ST7: variants seen among roughly 807,000 people sequenced by gnomAD.
The protein encoded by ST7 is suppressor of tumorigenicity 7 protein.
A neutral mutation model predicts 78.7 loss-of-function variants in ST7; 28 were observed. The observed-to-expected ratio is 0.36, with a 90% CI of 0.26 to 0.49. The LOEUF (loss-of-function observed/expected upper bound fraction) is 0.49. Ranked by LOEUF, ST7 falls within the 20% of genes least tolerant of loss-of-function variation. The pLI, the probability that ST7 is intolerant of heterozygous loss-of-function variation, is 0.99. For synonymous variants in ST7, 247 were observed against 249.6 expected (o/e 0.99, Z 0.10); for missense variants, 418 against 696.0 (o/e 0.60, Z 4.49).
At chr7:116,965,978 T>A in intron 1 of ST7, 1 of 364,648 alleles carries the variant, frequency 2.7e-6, no homozygotes, top group Non-Finnish European at 5.6e-6. Context: ...GGCAAGAGAT[T>A]TTCCCCTATC....
rs1470048682 is a variant in ST7 at position 116,975,741 on chromosome 7, G to T, written c.151+22050G>T. 4.6e-5 allele frequency among the ~76,000 whole-genome samples: 7 copies of T among 151,562 alleles called. 1 individual carries two copies. The highest frequency in any genetic ancestry group is 8.8e-5 in the Non-Finnish European group (6 of 67,906). ...TTTTCTTTGAAATTTATATGGATTA[G>T]GTAGATTATCTATTATGTTTGTTAT... On this transcript the variant is annotated intron_variant, in intron 1 of 15. Coordinates refer to ENST00000323984, the MANE Select transcript of ST7 (RefSeq NM_001369598.1).
At chr7:117,223,859 A>G (rs1793276745) in intron 15 of ST7, 4 of 725,164 alleles carry the variant, frequency 5.5e-6, no homozygotes, top group Admixed American at 6.3e-5. Context: ...GGCTTTGCAC[A>G]GTGCCTTGCT....
rs773131295 is a variant in ST7, at chr7:117,193,448, ATAT to A, written c.1254+2519_1254+2521del. Among the ~76,000 whole-genome samples, 191 of 152,326 alleles carry A rather than the reference ATAT, an allele frequency of 1.3e-3. 2 individuals carry two copies. Among genetic ancestry groups the A allele is most frequent in the Non-Finnish European group, 2.3e-3 (154 of 68,026 alleles). On this transcript the variant is annotated intron_variant, in intron 12 of 15. Transcript: ENST00000323984. ...TCATAACAACTCTGTGAGGTGTATT[ATAT>A]TATTATCCCTATTACATAGATGAGG...
intron 1 of ST7, among the ~76,000 whole-genome samples, chr7:116,958,090 A>G (rs1339841825): frequency 1.3e-5 from 2 of 151,828 alleles, no homozygotes; most frequent in Non-Finnish European, 2.9e-5. Flanking sequence ...GGCTCAAGCA[A>G]TCCTCCTGTC....
intron 1 of ST7, among the ~76,000 whole-genome samples, chr7:116,993,680 C>A (rs75583314): frequency 0.011 from 1,742 of 152,320 alleles, 16 homozygotes; most frequent in Non-Finnish European, 0.019. Context: ...AATCTAAAGA[C>A]TATTTCTGAG....
chr7:116,968,282 TCCCTCCCTCCC>T (rs1793234835), intron 1 of ST7: 1 of 6,818 alleles, frequency 1.5e-4, no homozygotes, highest in African/African-American at 3.2e-4. Context: ...CCTCCCTCCC[TCCCTCCCTCCC>T]TCCTTCCTTC....
chr7:117,158,788 T>C (rs1563129805), intron 9 of ST7, among the ~76,000 whole-genome samples: 1 of 152,226 alleles, frequency 6.6e-6, no homozygotes, highest in Non-Finnish European at 1.5e-5. Context: ...CAGTAAAAAT[T>C]ACTGGCAAAA....
At chr7:117,007,621 A>AGTGT (rs1795209082) in intron 1 of ST7, among the ~76,000 whole-genome samples, 1 of 152,238 alleles carries the variant, frequency 6.6e-6, no homozygotes, top group Non-Finnish European at 1.5e-5. Context: ...AGGTGAAAAC[A>AGTGT]GTGTTATATT....
chr7:116,996,343 C>T (rs147388953), intron 1 of ST7, among the ~76,000 whole-genome samples: 162 of 152,278 alleles, frequency 1.1e-3, no homozygotes, highest in South Asian at 8.7e-3. Context: ...TCCCAAAGTG[C>T]TGGGATTACA....
chr7:117,155,657 T>G (rs913979633), intron 9 of ST7, among the ~76,000 whole-genome samples: 3 of 152,214 alleles, frequency 2.0e-5, no homozygotes, highest in Non-Finnish European at 4.4e-5. Flanking sequence ...ACTAACAGCC[T>G]TCCCTTTTAA....
chr7:116,992,074 C>A (rs1330209489), intron 1 of ST7, among the ~76,000 whole-genome samples: 1 of 152,204 alleles, frequency 6.6e-6, no homozygotes, highest in Non-Finnish European at 1.5e-5. Flanking sequence ...CAAGGTACTG[C>A]CTCTCTCCCA....
Position 117,119,633 on chromosome 7 carries a change from C to T in ST7, c.307C>T (p.Pro103Ser). ...ACAAGTCTCAGTAAGCCACTTGCGC[C>T]CCCTTCTGGGAGGGGTTGACAACAA... ...IEQVSVSHLRPLLGGVDNNSS... is the reference protein window; with the variant it reads ...IEQVSVSHLRSLLGGVDNNSS... The change falls in exon 3 of 16, where the codon CCC becomes TCC. Residue 103 changes from proline (P) to serine (S), a missense_variant. By Grantham distance (74) the Pro-to-Ser change is moderately conservative. Around this residue, in one of 4 missense-constraint regions of ST7, gnomAD observed 23 missense variants for 67.7 expected, o/e 0.34. Coordinates refer to ENST00000323984, the MANE Select transcript of ST7 (RefSeq NM_001369598.1). 6.2e-7 allele frequency: 1 copy of T among 1,613,800 alleles called. No individual in the cohort carries two copies. The highest frequency in any genetic ancestry group is 1.1e-5 in the South Asian group (1 of 90,990).
rs1221306527 is a variant in ST7 at position 117,117,004 on chromosome 7, G to T, written c.235-2557G>T. 2.6e-5 allele frequency among the ~76,000 whole-genome samples: 4 copies of T among 152,154 alleles called. No homozygotes were observed. In the South Asian group the frequency reaches 6.2e-4, roughly 24 times the overall value. On this transcript the variant is annotated intron_variant, in intron 2 of 15. Coordinates refer to ENST00000323984, the MANE Select transcript of ST7 (RefSeq NM_001369598.1). ...AAAGATTTGAAAAAAGGAATGATAGGCTACATCTGTCTGTTTATACGAAGC... is the reference window on the plus strand; with the variant it reads ...AAAGATTTGAAAAAAGGAATGATAGTCTACATCTGTCTGTTTATACGAAGC...
At chr7:117,076,125 A>G (rs548068575) in intron 1 of ST7, among the ~76,000 whole-genome samples, 3 of 152,356 alleles carry the variant, frequency 2.0e-5, no homozygotes, top group South Asian at 2.1e-4. Context: ...CTCCTCAGCT[A>G]CAGCACCTGA....
intron 1 of ST7, among the ~76,000 whole-genome samples, chr7:116,960,580 C>T (rs1792774256): frequency 6.6e-6 from 1 of 152,194 alleles, no homozygotes; most frequent in Non-Finnish European, 1.5e-5. Context: ...AATTTCCCAA[C>T]CAAATCTTTC....
At chr7:117,076,220 G>A (rs756743384) in intron 1 of ST7, among the ~76,000 whole-genome samples, 6 of 152,092 alleles carry the variant, frequency 3.9e-5, no homozygotes, top group Admixed American at 6.5e-5. Flanking sequence ...CCAAACCTCC[G>A]GTGTTTCAGT....
rs1020841925 is a variant in ST7 at position 116,997,053 on chromosome 7, G to C, written c.151+43362G>C. ...CATGGTGAGCGTTACAGTTCACAAAGGTGGCGTGTCCAGAGTTTGTTCCTT... is the reference window on the plus strand; with the variant it reads ...CATGGTGAGCGTTACAGTTCACAAACGTGGCGTGTCCAGAGTTTGTTCCTT... On this transcript the variant is annotated intron_variant, in intron 1 of 15. Coordinates refer to ENST00000323984, the MANE Select transcript of ST7 (RefSeq NM_001369598.1). Among the ~76,000 whole-genome samples the C allele has an allele frequency of 2.0e-5, 3 of 152,102 alleles. 1 individual carries two copies. The highest frequency in any genetic ancestry group is 2.9e-5 in the Non-Finnish European group (2 of 68,024).
chr7:117,004,214 G>A (rs1795062837), intron 1 of ST7, among the ~76,000 whole-genome samples: 1 of 152,126 alleles, frequency 6.6e-6, no homozygotes, highest in South Asian at 2.1e-4. Context: ...TTAGGGAGAA[G>A]AAACCCCATT....
chr7:117,195,326 C>A (rs1421288852), intron 12 of ST7, among the ~76,000 whole-genome samples: 2 of 152,076 alleles, frequency 1.3e-5, no homozygotes, highest in African/African-American at 4.8e-5. Context: ...TCTTTTAAGG[C>A]AGTTTCTATA....
Sources: allele counts gnomAD v4.1 joint callset (sites outside exome capture counted in the v4.1 genomes callset), GRCh38; gene constraint gnomAD v4.1.1; regional missense constraint gnomAD v4.1.1; transcripts MANE v1.5; gene names NCBI Gene and HGNC (gene_info 2026-07-23, HGNC 2026-07-21).